The following PRKD1 variants were observed in gnomAD, a reference collection of about 807,000 sequenced individuals.
PRKD1 encodes protein kinase D1.
A neutral mutation model predicts 95.9 loss-of-function variants in PRKD1; 63 were observed. The ratio of observed to expected loss-of-function variants is 0.66; its 90% CI spans 0.54 to 0.81. The LOEUF (loss-of-function observed/expected upper bound fraction) is 0.81. Ranked by LOEUF, PRKD1 falls within the 30% of genes least tolerant of loss-of-function variation. The pLI is 0.00. For synonymous variants in PRKD1, 425 were observed against 423.1 expected, an observed-to-expected ratio of 1.00 and a Z score of -0.05; for missense variants, 1,048 against 1,165.3, an observed-to-expected ratio of 0.90 and a Z score of 1.47.
intron 2 of PRKD1, among the ~76,000 whole-genome samples, chr14:29,708,466 G>A (rs1420848774): frequency 6.6e-5 from 10 of 152,102 alleles, no homozygotes; most frequent in South Asian, 6.2e-4. Flanking sequence ...TGGCCATGAC[G>A]TTAAATAAAA....
chr14:29,738,949 C>A (rs1467586313), intron 1 of PRKD1, among the ~76,000 whole-genome samples: 1 of 151,924 alleles, frequency 6.6e-6, no homozygotes, highest in Admixed American at 6.6e-5. Flanking sequence ...GATTCTTCTG[C>A]CTCAGCCTCT....
chr14:29,767,367 T>C (rs916619795), intron 1 of PRKD1, among the ~76,000 whole-genome samples: 1 of 152,162 alleles, frequency 6.6e-6, no homozygotes, highest in Non-Finnish European at 1.5e-5. Context: ...CCATAATCTA[T>C]GCGGCTTAAA....
chr14:29,620,126 G>C (rs1337213516), intron 13 of PRKD1, among the ~76,000 whole-genome samples: 1 of 151,232 alleles, frequency 6.6e-6, no homozygotes, highest in Non-Finnish European at 1.5e-5. Context: ...GCCATATGTA[G>C]AAAGCTGAAA....
intron 1 of PRKD1, among the ~76,000 whole-genome samples, chr14:29,823,683 T>C (rs773383820): frequency 1.4e-4 from 21 of 152,162 alleles, no homozygotes; most frequent in Non-Finnish European, 2.5e-4. Flanking sequence ...AGCTCTTAAG[T>C]AACAGGTCAG....
intron 2 of PRKD1, among the ~76,000 whole-genome samples, chr14:29,690,220 T>C (rs917001052): frequency 6.6e-6 from 1 of 152,156 alleles, no homozygotes; most frequent in Non-Finnish European, 1.5e-5. Flanking sequence ...TCCGTGAATG[T>C]TTATACTCCC....
At chr14:29,904,626 T>A (rs1411938895) in intron 1 of PRKD1, among the ~76,000 whole-genome samples, 1 of 152,174 alleles carries the variant, frequency 6.6e-6, no homozygotes, top group Non-Finnish European at 1.5e-5. Context: ...GCTATTATAT[T>A]TTAACTGACC....
At chr14:29,621,063 C>T (rs528608735) in intron 13 of PRKD1, among the ~76,000 whole-genome samples, 17 of 149,604 alleles carry the variant, frequency 1.1e-4, no homozygotes, top group African/African-American at 3.2e-4. Context: ...AATTGGAAAT[C>T]ATCATTCTCA....
chr14:29,899,834 T>C (rs951159945), intron 1 of PRKD1, among the ~76,000 whole-genome samples: 1 of 152,120 alleles, frequency 6.6e-6, no homozygotes, highest in Admixed American at 6.5e-5. Context: ...CAAACTGTAA[T>C]CCGAATTGTA....
intron 4 of PRKD1, chr14:29,652,712 T>C (rs1418040559): frequency 6.6e-6 from 1 of 152,232 alleles, no homozygotes. Context: ...AGTGTCATGG[T>C]GCATATTTAA....
At chr14:29,720,907 A>C (rs985980914) in intron 2 of PRKD1, among the ~76,000 whole-genome samples, 2 of 152,194 alleles carry the variant, frequency 1.3e-5, no homozygotes, top group African/African-American at 2.4e-5. Flanking sequence ...CCCTCAGATA[A>C]GTACCTGAAT....
At position 29,774,146 on chromosome 14, in the gene PRKD1, C is replaced by G. The variant is rs571010096; in HGVS notation, c.265-48472G>C. The stretch of plus-strand genomic sequence containing the variant: ...ACCGCAAAAACAAACACCTTCTCTG[C>G]ACTGAAAGTATAAATGTGCAGGGCA... On this transcript the variant is annotated intron_variant, in intron 1 of 17. Transcript: ENST00000331968. Among the ~76,000 whole-genome samples the G allele has an allele frequency of 2.0e-5, 3 of 152,282 alleles. No homozygotes were observed. The South Asian group carries it at 6.2e-4, about 32-fold the overall frequency.
chr14:29,705,544 C>T (rs1284393696), intron 2 of PRKD1, among the ~76,000 whole-genome samples: 3 of 151,450 alleles, frequency 2.0e-5, no homozygotes, highest in African/African-American at 7.3e-5. Flanking sequence ...TAAAAATATT[C>T]ATAAGGTTCC....
At chr14:29,854,372 T>C (rs554624462) in intron 1 of PRKD1, among the ~76,000 whole-genome samples, 1 of 152,306 alleles carries the variant, frequency 6.6e-6, no homozygotes, top group Admixed American at 6.5e-5. Context: ...CAAAAGTGAC[T>C]CTTATGTTTT....
intron 1 of PRKD1, among the ~76,000 whole-genome samples, chr14:29,798,021 A>C (rs772437433): frequency 6.6e-6 from 1 of 152,212 alleles, no homozygotes; most frequent in African/African-American, 2.4e-5. Flanking sequence ...ATTGAAACTT[A>C]AGGCATTCCA....
intron 2 of PRKD1, among the ~76,000 whole-genome samples, chr14:29,695,979 T>C (rs1884493679): frequency 1.3e-5 from 2 of 152,162 alleles, no homozygotes; most frequent in African/African-American, 4.8e-5. Context: ...GGCGAAAAAA[T>C]ACTAATTAGC....
chr14:29,762,473 AG>A (rs45564334), intron 1 of PRKD1, among the ~76,000 whole-genome samples: 3,056 of 152,272 alleles, frequency 0.02, 104 homozygotes, highest in Admixed American at 0.087. Flanking sequence ...TCTGCTCTGA[AG>A]GTATTAGCTA....
intron 1 of PRKD1, among the ~76,000 whole-genome samples, chr14:29,743,465 G>A (rs1159380720): frequency 6.6e-6 from 1 of 152,040 alleles, no homozygotes; most frequent in Non-Finnish European, 1.5e-5. Context: ...GAACCAAGCA[G>A]AGAACCAAAA....
intron 1 of PRKD1, among the ~76,000 whole-genome samples, chr14:29,815,164 A>C (rs1360683752): frequency 1.3e-5 from 2 of 152,226 alleles, no homozygotes; most frequent in African/African-American, 2.4e-5. Flanking sequence ...AAGGAAAAAA[A>C]ATTCCACAGT....
chr14:29,584,547 G>A (rs1047786282), intron 16 of PRKD1, among the ~76,000 whole-genome samples: 3 of 151,214 alleles, frequency 2.0e-5, no homozygotes, highest in African/African-American at 7.3e-5. Flanking sequence ...ATTTTTTTTC[G>A]CACATAAGTT....
Sources: allele counts gnomAD v4.1 joint callset (sites outside exome capture counted in the v4.1 genomes callset), GRCh38; gene constraint gnomAD v4.1.1; transcripts MANE v1.5; gene names NCBI Gene and HGNC (gene_info 2026-07-23, HGNC 2026-07-21).